The following THSD7B variants were observed in gnomAD, a reference collection of about 807,000 sequenced individuals.
THSD7B encodes the protein thrombospondin type 1 domain containing 7B, also known as thrombospondin type-1 domain-containing protein 7B.
A neutral mutation model predicts 213.6 loss-of-function variants in THSD7B; 138 were observed. That is an observed-to-expected ratio of 0.65 (90% CI 0.56 to 0.74). The LOEUF is 0.74. THSD7B is among the 30% of genes least tolerant of loss of function. The pLI, the probability that THSD7B is intolerant of heterozygous loss-of-function variation, is 0.00. For missense variants in THSD7B, 1,931 were observed against 1,991.5 expected (o/e 0.97, Z 0.58); for synonymous variants, 742 against 687.0 (o/e 1.08, Z -1.25).
intron 14 of THSD7B, among the ~76,000 whole-genome samples, chr2:137,436,433 T>C (rs571531851): frequency 3.3e-5 from 5 of 152,318 alleles, no homozygotes; most frequent in African/African-American, 1.2e-4. Flanking sequence ...GCCTGTTTTG[T>C]CATACACACA....
chr2:136,890,940 C>T (rs62172303), intron 2 of THSD7B, among the ~76,000 whole-genome samples: 1 of 151,842 alleles, frequency 6.6e-6, no homozygotes, highest in African/African-American at 2.4e-5. Context: ...ACCTCTCTTA[C>T]TGATCTTCAA....
At chr2:137,604,707 G>T (rs917611083) in intron 17 of THSD7B, among the ~76,000 whole-genome samples, 3 of 152,138 alleles carry the variant, frequency 2.0e-5, no homozygotes, top group Middle Eastern at 3.4e-3. Context: ...GTTGAGTTTT[G>T]CACACACTTC....
chr2:136,792,800 C>T (rs1274683864), intron 1 of THSD7B, among the ~76,000 whole-genome samples: 1 of 152,034 alleles, frequency 6.6e-6, no homozygotes, highest in Non-Finnish European at 1.5e-5. Flanking sequence ...CTATCTCCTA[C>T]TGCCTATCCT....
intron 15 of THSD7B, among the ~76,000 whole-genome samples, chr2:137,537,527 T>C (rs572037088): frequency 1.3e-5 from 2 of 151,868 alleles, no homozygotes; most frequent in African/African-American, 4.8e-5. Context: ...CCATCATTTA[T>C]AGATTGTGAT....
intron 3 of THSD7B, among the ~76,000 whole-genome samples, chr2:137,085,635 A>G (rs1687824038): frequency 6.6e-6 from 1 of 152,140 alleles, no homozygotes; most frequent in Non-Finnish European, 1.5e-5. Context: ...AAAGTTATAT[A>G]GGTTAAATAT....
chr2:136,910,718 G>A (rs900294421), intron 2 of THSD7B, among the ~76,000 whole-genome samples: 1 of 152,160 alleles, frequency 6.6e-6, no homozygotes, highest in African/African-American at 2.4e-5. Context: ...TGCCGGTTTT[G>A]CTACTACTTT....
intron 15 of THSD7B, among the ~76,000 whole-genome samples, chr2:137,504,104 C>G (rs1476126887): frequency 6.6e-6 from 1 of 151,758 alleles, no homozygotes; most frequent in Non-Finnish European, 1.5e-5. Flanking sequence ...TGATTGTCAT[C>G]TTTATGTTCC....
intron 15 of THSD7B, among the ~76,000 whole-genome samples, chr2:137,551,817 G>A (rs1680853654): frequency 2.6e-5 from 4 of 152,062 alleles, no homozygotes; most frequent in African/African-American, 9.7e-5. Flanking sequence ...AAAATCTAGT[G>A]TGTGAAAATG....
chr2:137,013,498 G>A (rs1000870044), intron 2 of THSD7B, among the ~76,000 whole-genome samples: 3 of 152,208 alleles, frequency 2.0e-5, no homozygotes, highest in African/African-American at 7.2e-5. Flanking sequence ...GAGAGAGGAA[G>A]TTCCAGAGGT....
intron 1 of THSD7B, among the ~76,000 whole-genome samples, chr2:136,841,975 T>C (rs1310841810): frequency 2.0e-5 from 3 of 152,232 alleles, no homozygotes; most frequent in Non-Finnish European, 4.4e-5. Flanking sequence ...GCTTATTTTT[T>C]CTGAAGAAAT....
chr2:137,158,724 A>G (rs1031063281), intron 5 of THSD7B, among the ~76,000 whole-genome samples: 1 of 151,992 alleles, frequency 6.6e-6, no homozygotes, highest in Non-Finnish European at 1.5e-5. Flanking sequence ...CAGTGCTGAA[A>G]TTTATTTTCA....
chr2:137,284,302 T>C (rs1359951951), intron 12 of THSD7B, among the ~76,000 whole-genome samples: 3 of 152,152 alleles, frequency 2.0e-5, no homozygotes, highest in African/African-American at 7.2e-5. Flanking sequence ...TCTTCTCTAT[T>C]AGTCCTGCTA....
chr2:137,457,906 G>A (rs2105075372), intron 15 of THSD7B, among the ~76,000 whole-genome samples: 1 of 152,294 alleles, frequency 6.6e-6, no homozygotes, highest in South Asian at 2.1e-4. Context: ...ACTTCTGTAA[G>A]CGATGATACT....
chr2:137,098,984 G>T (rs1431796661), intron 4 of THSD7B, among the ~76,000 whole-genome samples: 1 of 152,168 alleles, frequency 6.6e-6, no homozygotes, highest in Non-Finnish European at 1.5e-5. Context: ...CCTTAAGTTT[G>T]TTTCGAAGTT....
chr2:137,659,823 G>A (rs1030886250), intron 25 of THSD7B, 77 bp downstream of exon 25: 24 of 1,403,184 alleles, frequency 1.7e-5, no homozygotes, highest in Admixed American at 4.5e-5. Context: ...TTCTCCTGCC[G>A]GCTGCAGCCC....
intron 11 of THSD7B, among the ~76,000 whole-genome samples, chr2:137,273,814 T>C (rs530565752): frequency 6.6e-6 from 1 of 152,216 alleles, no homozygotes; most frequent in East Asian, 1.9e-4. Flanking sequence ...ACTGTCAATA[T>C]TCATCCTTTT....
At chr2:137,265,118 A>G (rs1484898669) in intron 10 of THSD7B, among the ~76,000 whole-genome samples, 1 of 152,084 alleles carries the variant, frequency 6.6e-6, no homozygotes, top group Non-Finnish European at 1.5e-5. Flanking sequence ...GAGAATGATG[A>G]TTTCCAATTT....
chr2:137,501,454 AT>A (rs1679703917), intron 15 of THSD7B, among the ~76,000 whole-genome samples: 2 of 152,136 alleles, frequency 1.3e-5, no homozygotes, highest in South Asian at 2.1e-4. Flanking sequence ...TGGTAAAGGT[AT>A]TTTATTAAGA....
intron 12 of THSD7B, among the ~76,000 whole-genome samples, chr2:137,286,016 A>G (rs918226439): frequency 9.2e-5 from 14 of 151,864 alleles, no homozygotes; most frequent in African/African-American, 3.4e-4. Context: ...AGGCAGAAGA[A>G]TCACTTGAAC....
Sources: gnomAD v4.1 joint callset for allele counts (sites outside exome capture counted in the v4.1 genomes callset) on GRCh38, gnomAD v4.1.1 for gene constraint, MANE v1.5 for transcripts, NCBI Gene and HGNC (gene_info 2026-07-23, HGNC 2026-07-21) for gene names.